The following ANXA7 variants were observed in gnomAD, a reference collection of about 807,000 sequenced individuals.
The protein encoded by ANXA7 is annexin A7, also known as annexin VII.
A neutral mutation model predicts 64.9 loss-of-function variants in ANXA7; 55 were observed. The observed-to-expected ratio is 0.85, with a 90% CI of 0.68 to 1.06. The LOEUF (loss-of-function observed/expected upper bound fraction) is 1.06, where lower values mean the gene tolerates loss of function less well. ANXA7 is among the 50% of genes least tolerant of loss of function. ANXA7 has a pLI of 0.00. For synonymous variants in ANXA7, 200 were observed against 192.4 expected, an observed-to-expected ratio of 1.04 and a Z score of -0.33; for missense variants, 548 against 582.1, an observed-to-expected ratio of 0.94 and a Z score of 0.60.
At chr10:73,379,705 G>A in intron 11 of ANXA7, 174 bp downstream of exon 11, 1 of 662,194 alleles carries the variant, frequency 1.5e-6, no homozygotes, top group Non-Finnish European at 2.7e-6. Flanking sequence ...GACTGTTTCT[G>A]GGGGCTTATC....
chr10:73,380,041 G>C lies in ANXA7; in HGVS notation c.1079C>G (p.Ala360Gly), dbSNP rs2055249473. 4.3e-6 allele frequency: 7 copies of C among 1,613,844 alleles called. No individual in the cohort carries two copies. In the East Asian group the frequency reaches 1.6e-4, roughly 36 times the overall value. The change falls in exon 10 of 13, where the codon GCT (alanine) becomes GGT (glycine). Residue 360 changes from alanine (A) to glycine (G), a missense_variant. By Grantham distance (60) the Ala-to-Gly change is moderately conservative. Coordinates refer to ENST00000372921, the MANE Select transcript of ANXA7 (RefSeq NM_001156.5). The stretch of plus-strand genomic sequence containing the variant: ...AAGAAAAGCTCATACCCTAGAATAA[G>C]CCTCCATGGTAGCTCTCAGCTGAGG... ...SFPQLRATME[A>G]YSRMANRDLL...
At chr10:73,399,194 G>A (rs2055621293) in intron 2 of ANXA7, among the ~76,000 whole-genome samples, 1 of 152,112 alleles carries the variant, frequency 6.6e-6, no homozygotes, top group African/African-American at 2.4e-5. Context: ...CCAAAACACT[G>A]CATGAAACAA....
chr10:73,391,861 C>T (rs574535600), intron 5 of ANXA7, among the ~76,000 whole-genome samples: 11 of 152,278 alleles, frequency 7.2e-5, no homozygotes, highest in Non-Finnish European at 1.0e-4. Flanking sequence ...AAAAGCTCTT[C>T]CAAAATCTAA....
chr10:73,400,363 C>T (rs780090901), intron 2 of ANXA7, among the ~76,000 whole-genome samples: 1 of 151,962 alleles, frequency 6.6e-6, no homozygotes, highest in East Asian at 1.9e-4. Flanking sequence ...GGTTAAGATG[C>T]AGTGATATTA....
At position 73,379,862 on chromosome 10, in the gene ANXA7, G is replaced by A. The variant is rs1564520795; in HGVS notation, c.1165+17C>T. 6.2e-7 allele frequency: 1 copy of A among 1,611,012 alleles called. No individual in the cohort carries two copies. The highest frequency in any genetic ancestry group is 2.2e-5 in the East Asian group (1 of 44,838). On this transcript the variant is annotated intron_variant, in intron 11 of 12. Transcript: ENST00000372921. Reference sequence around the variant, plus strand: ...TCATTTAAAAAGAAAATAAAGCAAAGCACAAAAATATCTTACAGATGGTCT... The same window carrying A: ...TCATTTAAAAAGAAAATAAAGCAAAACACAAAAATATCTTACAGATGGTCT...
chr10:73,400,006 A>G (rs546867127), intron 2 of ANXA7, among the ~76,000 whole-genome samples: 52 of 150,472 alleles, frequency 3.5e-4, no homozygotes, highest in Non-Finnish European at 7.1e-4. Flanking sequence ...AGCCAGGCAC[A>G]GTGGCGGGCA....
Position 73,375,956 on chromosome 10 carries a change from A to G in ANXA7, c.*139T>C. ...AAGGCAATAACAACATGTGCAAACCAAGCACATTACCCTGATACGGTCCTT... is the reference window on the plus strand; with the variant it reads ...AAGGCAATAACAACATGTGCAAACCGAGCACATTACCCTGATACGGTCCTT... On this transcript the variant is annotated 3_prime_UTR_variant, in exon 13 of 13. Coordinates refer to ENST00000372921, the MANE Select transcript of ANXA7 (RefSeq NM_001156.5). The G allele has an allele frequency of 3.2e-6, 2 of 616,682 alleles. No individual in the cohort carries two copies. Among genetic ancestry groups the G allele is most frequent in the Non-Finnish European group, 5.1e-6 (2 of 394,560 alleles). The allele number at this position is 616,682 out of a possible 1,614,324, so 38.2% of individuals were successfully genotyped here.
At chr10:73,382,502 C>T (rs946722801) in intron 9 of ANXA7, among the ~76,000 whole-genome samples, 3 of 151,990 alleles carry the variant, frequency 2.0e-5, no homozygotes, top group Admixed American at 6.6e-5. Flanking sequence ...CCACCATGTT[C>T]GGCTAATTTT....
intron 7 of ANXA7, among the ~76,000 whole-genome samples, chr10:73,387,059 G>A (rs991230460): frequency 6.6e-6 from 1 of 152,224 alleles, no homozygotes; most frequent in African/African-American, 2.4e-5. Flanking sequence ...CAAGGGCTAT[G>A]TAATAAGCCT....
intron 5 of ANXA7, among the ~76,000 whole-genome samples, chr10:73,389,974 T>C (rs923532033): frequency 2.6e-5 from 4 of 152,190 alleles, no homozygotes; most frequent in Admixed American, 2.0e-4. Context: ...AGGGATGGGA[T>C]GAAGATGATG....
At chr10:73,384,558 C>T (rs1161590424) in intron 7 of ANXA7, among the ~76,000 whole-genome samples, 1 of 151,966 alleles carries the variant, frequency 6.6e-6, no homozygotes, top group African/African-American at 2.4e-5. Context: ...CATCCCACCA[C>T]GCCAGGCTAA....
At chr10:73,407,044 C>T (rs1199752703) in intron 1 of ANXA7, among the ~76,000 whole-genome samples, 1 of 152,152 alleles carries the variant, frequency 6.6e-6, no homozygotes, top group African/African-American at 2.4e-5. Flanking sequence ...TCCTCTCTTC[C>T]TTCTTTGAAC....
In ANXA7 at chr10:73,387,714, G is replaced by T. The variant is rs755196847; in HGVS notation, c.608C>A (p.Ala203Glu). 12 of 1,613,894 alleles carry T rather than the reference G, an allele frequency of 7.4e-6. No homozygotes were observed. The East Asian group carries it at 2.7e-4, about 36-fold the overall frequency. Residue 203 changes from alanine to glutamate, a missense_variant, in exon 7 of 13, where the codon GCA (alanine) becomes GAA (glutamate). Coordinates refer to ENST00000372921, the MANE Select transcript of ANXA7 (RefSeq NM_001156.5). ...RSNDQRQKIK[A>E]AFKTSYGKDL... The stretch of plus-strand genomic sequence containing the variant: ...CTTGCCATAGGAGGTCTTAAATGCT[G>T]CTTTAATTTTTTGCCTCTGATCATT...
At chr10:73,390,044 T>G (rs552459214) in intron 5 of ANXA7, among the ~76,000 whole-genome samples, 1 of 152,358 alleles carries the variant, frequency 6.6e-6, no homozygotes, top group East Asian at 1.9e-4. Flanking sequence ...TGTTTGAATG[T>G]TGACCTAAAA....
chr10:73,389,899 A>G (rs1034917974), intron 5 of ANXA7, among the ~76,000 whole-genome samples: 4 of 152,342 alleles, frequency 2.6e-5, no homozygotes, highest in Non-Finnish European at 5.9e-5. Context: ...TGCTGGAATT[A>G]CAGGTGTGCG....
Position 73,377,930 on chromosome 10 carries a change from T to TGTGTGTGTGTGTGTGTGTGCGC in ANXA7, c.1278+980_1278+981insGCGCACACACACACACACACAC, listed in dbSNP as rs542289005. Among the ~76,000 whole-genome samples, 44 of 142,582 alleles carry TGTGTGTGTGTGTGTGTGTGCGC rather than the reference T, an allele frequency of 3.1e-4. 1 individual carries two copies. Among genetic ancestry groups the TGTGTGTGTGTGTGTGTGTGCGC allele is most frequent in the African/African-American group, 1.2e-3 (43 of 35,498 alleles). 93.5% of individuals were successfully genotyped at this position (142,582 alleles called of 152,430 possible). On this transcript the variant is annotated intron_variant, in intron 12 of 12. Transcript: ENST00000372921. The stretch of plus-strand genomic sequence containing the variant: ...GTGTGTGTGTGTGTGTGTGTGTGTG[T>TGTGTGTGTGTGTGTGTGTGCGC]GCGCGCGCGTGTGTTTTTTGTAGAA...
intron 7 of ANXA7, among the ~76,000 whole-genome samples, chr10:73,386,555 T>A (rs577492359): frequency 6.6e-6 from 1 of 152,108 alleles, no homozygotes; most frequent in South Asian, 2.1e-4. Flanking sequence ...TTAAGCCAAA[T>A]CTTAAAGAAG....
At chr10:73,408,094 G>A (rs896795200) in intron 1 of ANXA7, 2 of 152,888 alleles carry the variant, frequency 1.3e-5, no homozygotes, top group Non-Finnish European at 1.5e-5. Context: ...CAAGGTGGGA[G>A]GACTGCTTGA....
At chr10:73,390,719 TA>T (rs1356038950) in intron 5 of ANXA7, among the ~76,000 whole-genome samples, 1 of 111,898 alleles carries the variant, frequency 8.9e-6, no homozygotes, top group Admixed American at 8.4e-5. Context: ...TATATATATA[TA>T]AAAATATATA....
Sources: gnomAD v4.1 joint callset for allele counts (sites outside exome capture counted in the v4.1 genomes callset) on GRCh38, gnomAD v4.1.1 for gene constraint, MANE v1.5 for transcripts, NCBI Gene and HGNC (gene_info 2026-07-23, HGNC 2026-07-21) for gene names.